The following AOPEP variants were observed in gnomAD, a reference collection of about 807,000 sequenced individuals.
AOPEP encodes the protein aminopeptidase O (putative), also known as aminopeptidase O.
A neutral mutation model predicts 98.1 loss-of-function variants in AOPEP; 77 were observed. The observed-to-expected ratio is 0.78, with a 90% confidence interval of 0.65 to 0.95. The LOEUF is 0.95. Ranked by LOEUF, AOPEP falls within the 40% of genes least tolerant of loss-of-function variation. The probability of loss-of-function intolerance (pLI) is 0.00; values close to 1 mark genes in which losing one functional copy is unlikely to be tolerated. For synonymous variants in AOPEP, 346 were observed against 365.3 expected, an observed-to-expected ratio of 0.95 and a Z score of 0.60; for missense variants, 1,024 against 1,024.7, an observed-to-expected ratio of 1.00 and a Z score of 0.01.
intron 13 of AOPEP, among the ~76,000 whole-genome samples, chr9:95,059,175 A>C (rs2067100088): frequency 6.6e-6 from 1 of 152,218 alleles, no homozygotes. Flanking sequence ...TTGACTTCTC[A>C]TGAAAAGAAA....
chr9:94,879,478 C>G (rs1230034732), intron 5 of AOPEP, among the ~76,000 whole-genome samples: 1 of 152,196 alleles, frequency 6.6e-6, no homozygotes, highest in African/African-American at 2.4e-5. Context: ...ACTGCATCCA[C>G]AACACCTTAT....
chr9:95,143,809 TCTTTA>T, the AOPEP span, among the ~76,000 whole-genome samples: 23 of 152,168 alleles, frequency 1.5e-4, no homozygotes, highest in African/African-American at 5.6e-4. Context: ...TTTTATGCCG[TCTTTA>T]GCCTGCAGGT....
intron 1 of AOPEP, among the ~76,000 whole-genome samples, chr9:94,742,304 G>A (rs1833318985): frequency 6.6e-6 from 1 of 152,180 alleles, no homozygotes; most frequent in Non-Finnish European, 1.5e-5. Context: ...CCAGTGGGGT[G>A]CCCTCAAGGC....
At chr9:95,105,051 T>C in the AOPEP span, among the ~76,000 whole-genome samples, 1 of 152,230 alleles carries the variant, frequency 6.6e-6, no homozygotes, top group Non-Finnish European at 1.5e-5. Flanking sequence ...CTCGAAAGCA[T>C]TCTCGCTGTG....
At chr9:94,809,851 GC>G (rs1446584631) in intron 5 of AOPEP, 3 of 154,598 alleles carry the variant, frequency 1.9e-5, no homozygotes, top group African/African-American at 7.2e-5. Context: ...CAAAGAATTG[GC>G]ACGTGCCCTG....
At chr9:95,008,762 A>G (rs940703112) in intron 13 of AOPEP, among the ~76,000 whole-genome samples, 7 of 152,092 alleles carry the variant, frequency 4.6e-5, no homozygotes, top group African/African-American at 1.7e-4. Flanking sequence ...TGTTGTCCTA[A>G]CAGGCTTCAT....
chr9:95,117,855 G>A, the AOPEP span, among the ~76,000 whole-genome samples: 1 of 150,748 alleles, frequency 6.6e-6, no homozygotes, highest in African/African-American at 2.4e-5. Context: ...CCAAGTATCT[G>A]GGATTACAGG....
At chr9:94,937,467 C>G (rs955278759) in intron 7 of AOPEP, among the ~76,000 whole-genome samples, 1 of 152,156 alleles carries the variant, frequency 6.6e-6, no homozygotes, top group Non-Finnish European at 1.5e-5. Flanking sequence ...TTTAACCACC[C>G]CTTGAAGCCC....
At chr9:94,741,429 T>C (rs865958917) in intron 1 of AOPEP, among the ~76,000 whole-genome samples, 46 of 151,988 alleles carry the variant, frequency 3.0e-4, no homozygotes, top group East Asian at 7.8e-4. Context: ...CCCGCCACCA[T>C]GCCTGGCTAA....
chr9:94,860,226 G>A (rs1286404651), intron 5 of AOPEP, among the ~76,000 whole-genome samples: 1 of 152,154 alleles, frequency 6.6e-6, no homozygotes, highest in Non-Finnish European at 1.5e-5. Flanking sequence ...AAGCAACTTG[G>A]AACTTTGGAG....
At chr9:95,077,598 G>C (rs1460638096) in intron 14 of AOPEP, among the ~76,000 whole-genome samples, 1 of 152,206 alleles carries the variant, frequency 6.6e-6, no homozygotes, top group Non-Finnish European at 1.5e-5. Context: ...GCTGTCCTCT[G>C]GTGGCATGCT....
At chr9:95,071,362 A>G (rs936267950) in intron 14 of AOPEP, among the ~76,000 whole-genome samples, 6 of 148,448 alleles carry the variant, frequency 4.0e-5, no homozygotes, top group South Asian at 2.1e-4. Context: ...GGGATGCTGA[A>G]TATATATCTG....
At chr9:94,958,851 C>T (rs553001672) in intron 9 of AOPEP, among the ~76,000 whole-genome samples, 1 of 152,042 alleles carries the variant, frequency 6.6e-6, no homozygotes, top group Non-Finnish European at 1.5e-5. Flanking sequence ...TGATGGTGTC[C>T]TTTAGAGCAC....
At chr9:94,861,794 A>G (rs1387328953) in intron 5 of AOPEP, among the ~76,000 whole-genome samples, 1 of 152,212 alleles carries the variant, frequency 6.6e-6, no homozygotes, top group Non-Finnish European at 1.5e-5. Flanking sequence ...CCTGGATTCC[A>G]CAGCCATCCT....
At chr9:94,906,342 T>C (rs2051132170) in intron 5 of AOPEP, among the ~76,000 whole-genome samples, 1 of 151,576 alleles carries the variant, frequency 6.6e-6, no homozygotes, top group Non-Finnish European at 1.5e-5. Context: ...GATGCATGCC[T>C]GTAGTCCCAG....
chr9:95,060,226 G>C (rs1173896503), intron 13 of AOPEP, among the ~76,000 whole-genome samples: 1 of 152,184 alleles, frequency 6.6e-6, no homozygotes, highest in Non-Finnish European at 1.5e-5. Flanking sequence ...TTATTTCTCA[G>C]TGTGCAGCAG....
the AOPEP span, among the ~76,000 whole-genome samples, chr9:95,124,080 G>A: frequency 7.3e-6 from 1 of 136,776 alleles, no homozygotes; most frequent in Non-Finnish European, 1.5e-5. Flanking sequence ...CTCCAGCCTG[G>A]GTGACAGAGT....
At chr9:94,798,924 A>G (rs1847632269) in intron 4 of AOPEP, among the ~76,000 whole-genome samples, 1 of 152,214 alleles carries the variant, frequency 6.6e-6, no homozygotes. Flanking sequence ...TCCACAAAGC[A>G]AGGTTATCAA....
rs1326254889 is a variant in AOPEP at position 94,972,159 on chromosome 9, A to G, written c.1916+4358A>G. On this transcript the variant is annotated intron_variant, in intron 10 of 16. Transcript: ENST00000375315. This position sits in a 1 kb window ranked among gnomAD's most constrained non-coding sequence, Gnocchi z 4.2. ...TTTGAGAGTAAATAACGGCCAAGGCATACTTTAGAGTTGCCACAGAAAAGA... is the reference window on the plus strand; with the variant it reads ...TTTGAGAGTAAATAACGGCCAAGGCGTACTTTAGAGTTGCCACAGAAAAGA... Among the ~76,000 whole-genome samples the G allele has an allele frequency of 6.6e-6, 1 of 152,212 alleles. No individual in the cohort carries two copies. Among genetic ancestry groups the G allele is most frequent in the Non-Finnish European group, 1.5e-5 (1 of 68,038 alleles).
Sources: allele counts gnomAD v4.1 joint callset (sites outside exome capture counted in the v4.1 genomes callset), GRCh38; gene constraint gnomAD v4.1.1; non-coding constraint Gnocchi (gnomAD v3.1); transcripts MANE v1.5; gene names NCBI Gene and HGNC (gene_info 2026-07-23, HGNC 2026-07-21).